Variants in PRKN observed in about 807,000 individuals in gnomAD.
The protein encoded by PRKN is E3 ubiquitin-protein ligase parkin.
A neutral mutation model predicts 59.5 loss-of-function variants in PRKN; 56 were observed. That is an observed-to-expected ratio of 0.94 (90% CI 0.76 to 1.18). PRKN has a LOEUF of 1.18. Among genes scored for constraint, PRKN ranks in the 50% most tolerant of loss-of-function variants. PRKN has a pLI of 0.00. For synonymous variants in PRKN, 250 were observed against 222.1 expected (o/e 1.13, Z -1.12); for missense variants, 657 against 596.4 (o/e 1.10, Z -1.06).
At chr6:161,524,269 G>A (rs887332440) in intron 9 of PRKN, among the ~76,000 whole-genome samples, 3 of 152,172 alleles carry the variant, frequency 2.0e-5, no homozygotes, top group Non-Finnish European at 4.4e-5. Context: ...TTGGGCAGAA[G>A]TGCTCTGAAT....
intron 4 of PRKN, among the ~76,000 whole-genome samples, chr6:162,163,355 A>G (rs1482993781): frequency 6.7e-6 from 1 of 149,650 alleles, no homozygotes; most frequent in East Asian, 1.9e-4. Context: ...TGCAATGTGT[A>G]ACCAGTTACA....
chr6:162,693,231 C>T (rs1404749998), intron 1 of PRKN, among the ~76,000 whole-genome samples: 3 of 152,144 alleles, frequency 2.0e-5, no homozygotes, highest in South Asian at 2.1e-4. Flanking sequence ...CCAGCAGGGT[C>T]GTGCCTGAAG....
intron 5 of PRKN, among the ~76,000 whole-genome samples, chr6:161,991,329 C>T (rs1323746959): frequency 1.3e-5 from 2 of 151,980 alleles, no homozygotes; most frequent in Non-Finnish European, 2.9e-5. Context: ...AGCAGACACA[C>T]AAAGGAGAAA....
At chr6:161,767,769 G>A (rs7740803) in intron 7 of PRKN, among the ~76,000 whole-genome samples, 79,301 of 148,176 alleles carry the variant, frequency 0.54, 21,566 homozygotes, top group Non-Finnish European at 0.58. Context: ...CTGGGGGTGG[G>A]GGGCTGGGGG....
At chr6:162,288,205 C>T (rs942663035) in intron 2 of PRKN, among the ~76,000 whole-genome samples, 1 of 152,186 alleles carries the variant, frequency 6.6e-6, no homozygotes, top group Non-Finnish European at 1.5e-5. Flanking sequence ...ACATCCTATC[C>T]TCATCCTCAT....
chr6:162,654,914 G>A (rs944775456), intron 1 of PRKN, among the ~76,000 whole-genome samples: 4 of 151,758 alleles, frequency 2.6e-5, no homozygotes, highest in Non-Finnish European at 2.9e-5. Context: ...GATTTGGTTC[G>A]GGACACAGCC....
chr6:162,009,955 T>C (rs1414984436), intron 5 of PRKN, among the ~76,000 whole-genome samples: 1 of 151,506 alleles, frequency 6.6e-6, no homozygotes, highest in Non-Finnish European at 1.5e-5. Flanking sequence ...TAAAGTCTTC[T>C]GGTTCATAAC....
chr6:162,672,251 A>T (rs943865893), intron 1 of PRKN, among the ~76,000 whole-genome samples: 69 of 152,330 alleles, frequency 4.5e-4, no homozygotes, highest in African/African-American at 1.6e-3. Flanking sequence ...TGAACCAAAA[A>T]GGTGCTTCCT....
chr6:161,697,185 A>G (rs781630655), intron 7 of PRKN, among the ~76,000 whole-genome samples: 16 of 152,180 alleles, frequency 1.1e-4, no homozygotes, highest in Non-Finnish European at 1.9e-4. Flanking sequence ...GAAATAAGGA[A>G]ACTATAAGTG....
At chr6:162,073,568 C>T (rs1778677829) in intron 4 of PRKN, among the ~76,000 whole-genome samples, 1 of 152,174 alleles carries the variant, frequency 6.6e-6, no homozygotes, top group African/African-American at 2.4e-5. Flanking sequence ...CCTCCCACCT[C>T]AGCCCCCTAA....
intron 2 of PRKN, among the ~76,000 whole-genome samples, chr6:162,405,867 G>A (rs1183353815): frequency 3.3e-5 from 5 of 152,082 alleles, no homozygotes; most frequent in African/African-American, 1.2e-4. Context: ...TCCAGACCTG[G>A]GAGAACATAT....
intron 1 of PRKN, among the ~76,000 whole-genome samples, chr6:162,716,667 C>A (rs754053706): frequency 6.6e-6 from 1 of 152,144 alleles, no homozygotes; most frequent in Non-Finnish European, 1.5e-5. Flanking sequence ...AGAATATTCA[C>A]ACCTTCTTTT....
chr6:161,477,578 T>C lies in PRKN; in HGVS notation c.1083+71276A>G, dbSNP rs544167522. 2.0e-5 allele frequency among the ~76,000 whole-genome samples: 3 copies of C among 151,852 alleles called. No homozygotes were observed. The South Asian group carries it at 6.2e-4, about 32-fold the overall frequency. Reference sequence around the variant, plus strand: ...GGTTAATGAATCAAGGTGATGAAGATGGCCTTTCTTAATTCAGTTGCAGCA... The same window carrying C: ...GGTTAATGAATCAAGGTGATGAAGACGGCCTTTCTTAATTCAGTTGCAGCA... On this transcript the variant is annotated intron_variant, in intron 9 of 11. Transcript: ENST00000366898.
At position 162,337,505 on chromosome 6, in the gene PRKN, G is replaced by A. The variant is rs142649378; in HGVS notation, c.172-74740C>T. On this transcript the variant is annotated intron_variant, in intron 2 of 11. Transcript: ENST00000366898. ...CATTAGCACGTAATAGATAATCCAA[G>A]TTATTTTCAGACTTAATCAGTTGTA... 2.1e-3 allele frequency among the ~76,000 whole-genome samples: 323 copies of A among 152,286 alleles called. 2 individuals carry two copies. The highest frequency in any genetic ancestry group is 7.5e-3 in the African/African-American group (311 of 41,554).
intron 9 of PRKN, among the ~76,000 whole-genome samples, chr6:161,430,814 C>CAAA (rs35611748): frequency 2.1e-4 from 12 of 58,328 alleles, no homozygotes; most frequent in African/African-American, 5.7e-4. Context: ...GACTCCGTCT[C>CAAA]AAAAAAAAAA....
Position 161,918,533 on chromosome 6 carries a change from C to T in PRKN, c.734+54769G>A, listed in dbSNP as rs552058259. Among the ~76,000 whole-genome samples the T allele has an allele frequency of 1.0e-3, 152 of 152,186 alleles. 1 individual carries two copies. Among genetic ancestry groups the T allele is most frequent in the Admixed American group, 2.2e-3 (33 of 15,276 alleles). ...ACACCAGGGTTTTGATTTCAGAAGT[C>T]GGATTTAGAATTTCATTTTCTATGC... On this transcript the variant is annotated intron_variant, in intron 6 of 11. Coordinates refer to ENST00000366898, the MANE Select transcript of PRKN (RefSeq NM_004562.3).
intron 1 of PRKN, among the ~76,000 whole-genome samples, chr6:162,622,784 G>A (rs1782728419): frequency 6.6e-6 from 1 of 152,168 alleles, no homozygotes; most frequent in South Asian, 2.1e-4. Flanking sequence ...CATTCTGTGG[G>A]TTTCATGAGC....
At position 161,470,068 on chromosome 6, in the gene PRKN, A is replaced by C. The variant is rs956584721; in HGVS notation, c.1083+78786T>G. Among the ~76,000 whole-genome samples, 5 of 152,168 alleles carry C rather than the reference A, an allele frequency of 3.3e-5. No individual in the cohort carries two copies. The highest frequency in any genetic ancestry group is 9.7e-5 in the African/African-American group (4 of 41,436). On this transcript the variant is annotated intron_variant, in intron 9 of 11. Coordinates refer to ENST00000366898, the MANE Select transcript of PRKN (RefSeq NM_004562.3). This position sits in a 1 kb window ranked among gnomAD's most constrained non-coding sequence, Gnocchi z 5.1. ...TCACCAAGGTAGGCACTCTTAAAAA[A>C]CACCCATTTAATAGAAGAGGAAAGT...
chr6:161,558,592 T>TAG (rs1780333431), intron 8 of PRKN, among the ~76,000 whole-genome samples: 1 of 151,934 alleles, frequency 6.6e-6, no homozygotes, highest in Admixed American at 6.6e-5. Context: ...TTCAGCTCAC[T>TAG]ATTCCTCTGC....
Sources: allele counts gnomAD v4.1 joint callset (sites outside exome capture counted in the v4.1 genomes callset), GRCh38; gene constraint gnomAD v4.1.1; non-coding constraint Gnocchi (gnomAD v3.1); transcripts MANE v1.5; gene names NCBI Gene and HGNC (gene_info 2026-07-23, HGNC 2026-07-21).